Variants in TENM1 observed in about 807,000 individuals in gnomAD.
TENM1 encodes the protein teneurin transmembrane protein 1.
A neutral mutation model predicts 174.8 loss-of-function variants in TENM1; 35 were observed. The observed-to-expected ratio is 0.20, with a 90% CI of 0.15 to 0.27. The LOEUF is 0.27. Ranked by LOEUF, TENM1 falls within the 10% of genes least tolerant of loss-of-function variation. The pLI is 1.00. For synonymous variants in TENM1, 781 were observed against 798.7 expected (o/e 0.98, Z 0.37); for missense variants, 1,633 against 2,130.1 (o/e 0.77, Z 4.59).
chrX:125,136,488 G>A, the TENM1 span, among the ~76,000 whole-genome samples: 1 of 111,813 alleles, frequency 8.9e-6, no homozygotes, highest in South Asian at 3.7e-4. Flanking sequence ...GCCTCAGAGA[G>A]GTTAAGTAAC....
At chrX:125,078,975 T>A in the TENM1 span, among the ~76,000 whole-genome samples, 1 of 111,435 alleles carries the variant, frequency 9.0e-6, no homozygotes, top group South Asian at 3.7e-4. Context: ...CACAGACGAA[T>A]AAACTGACAC....
At chrX:125,187,959 C>A in the TENM1 span, among the ~76,000 whole-genome samples, 136 of 111,776 alleles carry the variant, frequency 1.2e-3, no homozygotes, top group African/African-American at 4.1e-3. Context: ...TATTTTCTAA[C>A]TTTCCTATAA....
At chrX:124,803,866 C>T (rs1399282175) in intron 3 of TENM1, among the ~76,000 whole-genome samples, 2 of 112,254 alleles carry the variant, frequency 1.8e-5, no homozygotes, top group Non-Finnish European at 3.8e-5. Context: ...TCATTTGAAC[C>T]TCATATGTGG....
chrX:124,722,117 T>C (rs925416347), intron 4 of TENM1, among the ~76,000 whole-genome samples: 3 of 112,454 alleles, frequency 2.7e-5, no homozygotes, highest in Non-Finnish European at 5.6e-5. Flanking sequence ...CTGTCATAGA[T>C]AAAAACAATG....
At chrX:124,846,398 A>T (rs773590728) in intron 3 of TENM1, among the ~76,000 whole-genome samples, 19 of 111,624 alleles carry the variant, frequency 1.7e-4, no homozygotes, top group African/African-American at 5.9e-4. Context: ...AAGTGAAGTG[A>T]TTCACCGTGG....
chrX:125,070,309 G>C, the TENM1 span, among the ~76,000 whole-genome samples: 1 of 111,324 alleles, frequency 9.0e-6, no homozygotes, highest in African/African-American at 3.3e-5. Context: ...TCTTATGTTT[G>C]TTGGCCACTT....
chrX:125,082,533 T>A, the TENM1 span, among the ~76,000 whole-genome samples: 1 of 111,212 alleles, frequency 9.0e-6, no homozygotes. Flanking sequence ...TTAATACCAC[T>A]TGAGGGCATA....
the TENM1 span, among the ~76,000 whole-genome samples, chrX:124,994,091 G>A: frequency 2.7e-5 from 3 of 110,432 alleles, no homozygotes; most frequent in Non-Finnish European, 5.7e-5. Context: ...CCTTTTGTTG[G>A]TGGCAGGGTC....
intron 11 of TENM1, among the ~76,000 whole-genome samples, chrX:124,566,042 C>G (rs1325989900): frequency 9.0e-6 from 1 of 111,560 alleles, no homozygotes; most frequent in Non-Finnish European, 1.9e-5. Flanking sequence ...ACTAAAAATT[C>G]ATTAAGATCA....
the TENM1 span, among the ~76,000 whole-genome samples, chrX:125,123,072 C>T: frequency 9.0e-6 from 1 of 111,396 alleles, no homozygotes. Context: ...TATTGAATCA[C>T]AGCAAAATAA....
At chrX:124,452,106 T>C (rs2061045175) in intron 23 of TENM1, among the ~76,000 whole-genome samples, 1 of 111,633 alleles carries the variant, frequency 9.0e-6, no homozygotes, top group Admixed American at 9.5e-5. Flanking sequence ...TGGGAGAAAA[T>C]TTTTGCTATC....
chrX:124,915,805 T>C (rs1440565891), intron 1 of TENM1, among the ~76,000 whole-genome samples: 2 of 111,880 alleles, frequency 1.8e-5, no homozygotes, highest in African/African-American at 3.2e-5. Flanking sequence ...AAAGGGTTCA[T>C]ACAGATGGAA....
chrX:125,042,608 ACAAAAAT>A, the TENM1 span, among the ~76,000 whole-genome samples: 1 of 111,641 alleles, frequency 9.0e-6, no homozygotes, highest in Non-Finnish European at 1.9e-5. Context: ...ACCTCTTTGA[ACAAAAAT>A]GCCTTAACTC....
the TENM1 span, among the ~76,000 whole-genome samples, chrX:125,187,080 G>A: frequency 1.8e-5 from 2 of 111,628 alleles, no homozygotes; most frequent in Non-Finnish European, 3.8e-5. Flanking sequence ...GGCCAAGATG[G>A]TGAAACCCGG....
At chrX:124,964,801 C>A (rs2058704679), upstream of TENM1, among the ~76,000 whole-genome samples, 1 of 112,291 alleles carries the variant, frequency 8.9e-6, no homozygotes, top group Non-Finnish European at 1.9e-5. Flanking sequence ...TCTTTTCATA[C>A]AATGTTTAAA....
chrX:124,814,738 G>C (rs1211510929), intron 3 of TENM1, among the ~76,000 whole-genome samples: 3 of 111,235 alleles, frequency 2.7e-5, no homozygotes, highest in Admixed American at 9.6e-5. Context: ...TTTACTGATA[G>C]AGTAGGGTAA....
intron 18 of TENM1, among the ~76,000 whole-genome samples, chrX:124,504,010 C>T (rs892788524): frequency 3.6e-5 from 4 of 111,455 alleles, no homozygotes; most frequent in Non-Finnish European, 7.5e-5. Flanking sequence ...GGAGGCTGTG[C>T]TGTAAAACTG....
At chrX:124,924,572 C>CCTG (rs2058066568) in intron 1 of TENM1, among the ~76,000 whole-genome samples, 1 of 111,680 alleles carries the variant, frequency 9.0e-6, no homozygotes, top group South Asian at 3.8e-4. Flanking sequence ...TTAAGAGTTA[C>CCTG]CTGCTCTGCG....
chrX:124,796,611 A>G (rs1471952678), intron 3 of TENM1, among the ~76,000 whole-genome samples: 2 of 111,845 alleles, frequency 1.8e-5, no homozygotes, highest in African/African-American at 6.5e-5. Context: ...CTGGCATCAA[A>G]CATCAGATTT....
Sources: allele counts gnomAD v4.1 joint callset (sites outside exome capture counted in the v4.1 genomes callset), GRCh38; gene constraint gnomAD v4.1.1; transcripts MANE v1.5; gene names NCBI Gene and HGNC (gene_info 2026-07-23, HGNC 2026-07-21).